Variants in PRMT1 observed in about 807,000 individuals in gnomAD.
PRMT1 encodes protein arginine N-methyltransferase 1.
A neutral mutation model predicts 47.4 loss-of-function variants in PRMT1; 5 were observed. The observed-to-expected ratio is 0.11, with a 90% CI of 0.06 to 0.22. The LOEUF (loss-of-function observed/expected upper bound fraction) is 0.22, where lower values mean the gene tolerates loss of function less well. PRMT1 is among the 10% of genes least tolerant of loss of function. The pLI, the probability that PRMT1 is intolerant of heterozygous loss-of-function variation, is 1.00. For missense variants in PRMT1, 249 were observed against 518.4 expected, an observed-to-expected ratio of 0.48 and a Z score of 5.05; for synonymous variants, 227 against 204.6, an observed-to-expected ratio of 1.11 and a Z score of -0.94.
rs762698130 is a variant in PRMT1 at position 49,686,111 on chromosome 19, G to A, written c.778G>A (p.Val260Ile). ...CCTGCAGGAGGTGGACATCTATACC[G>A]TCAAGGTGGAAGACCTGACCTTCAC... The part of the protein sequence containing the change: ...CLIKEVDIYT[V>I]KVEDLTFTSP... The change falls in exon 9 of 11, where the codon GTC becomes ATC. Residue 260 changes from valine to isoleucine, a missense_variant. Physicochemically the swap from Val to Ile is conservative, Grantham distance 29. This residue lies in a region of PRMT1 where 190 missense variants were observed against 456.7 expected (regional missense o/e 0.42). Transcript: ENST00000454376. The A allele has an allele frequency of 2.4e-5, 39 of 1,613,738 alleles. No individual in the cohort carries two copies. Among genetic ancestry groups the A allele is most frequent in the South Asian group, 1.4e-4 (13 of 91,076 alleles).
chr19:49,685,904 C>T lies in PRMT1; in HGVS notation c.760-189C>T. 2.1e-6 allele frequency: 3 copies of T among 1,417,880 alleles called. No homozygotes were observed. 87.8% of individuals were successfully genotyped at this position (1,417,880 alleles called of 1,614,324 possible). ...GGAGCAAGGAATCTGGGCTCGAACCCACATGGTTTATTGGGAGCCGGATAG... is the reference window on the plus strand; with the variant it reads ...GGAGCAAGGAATCTGGGCTCGAACCTACATGGTTTATTGGGAGCCGGATAG... On this transcript the variant is annotated intron_variant, in intron 8 of 10. Coordinates refer to ENST00000454376, the MANE Select transcript of PRMT1 (RefSeq NM_001536.6). The surrounding 1 kb of genome is among the most constrained non-coding windows in gnomAD (Gnocchi z 4.7).
At position 49,683,928 on chromosome 19, in the gene PRMT1, G is replaced by T; in HGVS notation, c.414G>T (p.Val138=). ...GTGGCCACCCTTGTCCGCCCGCAGTGGTGACCATCATCAAGGGGAAGGTGG... is the reference window on the plus strand; with the variant it reads ...GTGGCCACCCTTGTCCGCCCGCAGTTGTGACCATCATCAAGGGGAAGGTGG... ...KIVKANKLDH[V]VTIIKGKVEE... The change falls in exon 6 of 11, where the codon GTG becomes GTT. Residue 138 remains valine (V), a splice_region_variant and synonymous_variant. Transcript: ENST00000454376. 6.2e-7 allele frequency: 1 copy of T among 1,613,066 alleles called. No individual in the cohort carries two copies. Among genetic ancestry groups the T allele is most frequent in the South Asian group, 1.1e-5 (1 of 91,020 alleles).
At chr19:49,676,768 C>T (rs914485631), upstream of PRMT1, among the ~76,000 whole-genome samples, 1 of 152,214 alleles carries the variant, frequency 6.6e-6, no homozygotes, top group African/African-American at 2.4e-5. Flanking sequence ...TTCTTCCCTA[C>T]CCGTGGGCCA....
chr19:49,680,704 C>G lies in PRMT1; in HGVS notation c.192+116C>G. ...CTTCCCCTGGCCGCAGGCCGCCCCC[C>G]TGCCCCTCTGCTGCGCACTTCCTAG... On this transcript the variant is annotated intron_variant, in intron 3 of 10. Coordinates refer to ENST00000454376, the MANE Select transcript of PRMT1 (RefSeq NM_001536.6). This position sits in a 1 kb window ranked among gnomAD's most constrained non-coding sequence, Gnocchi z 4.2. The G allele has an allele frequency of 1.2e-6, 1 of 830,592 alleles. No homozygotes were observed. Among genetic ancestry groups the G allele is most frequent in the East Asian group, 2.7e-5 (1 of 37,624 alleles). The allele number at this position is 830,592 out of a possible 1,614,324, so 51.5% of individuals were successfully genotyped here. A position where few individuals can be genotyped will look rare whatever the true frequency, so the allele number is the denominator to read the frequency against.
rs1431721378 is a variant in PRMT1 at position 49,684,595 on chromosome 19, C to G, written c.556-159C>G. Among the ~76,000 whole-genome samples the G allele has an allele frequency of 6.6e-6, 1 of 152,168 alleles. No homozygotes were observed. The highest frequency in any genetic ancestry group is 2.4e-5 in the African/African-American group (1 of 41,436). The stretch of plus-strand genomic sequence containing the variant: ...GCTGACTGGGGTGCCCCTGGGTGCC[C>G]TCTGGCGGCCGTGTGGGAAATAGAC... On this transcript the variant is annotated intron_variant, in intron 6 of 10. Transcript: ENST00000454376. This position sits in a 1 kb window ranked among gnomAD's most constrained non-coding sequence, Gnocchi z 6.2.
At position 49,681,161 on chromosome 19, in the gene PRMT1, C is replaced by T. The variant is rs947944378; in HGVS notation, c.192+573C>T. ...ACCTCCCCGGCTCAGGTGATCCCCC[C>T]ACTTCCACTTTCGGAGTAGCTGGGA... On this transcript the variant is annotated intron_variant, in intron 3 of 10. Coordinates refer to ENST00000454376, the MANE Select transcript of PRMT1 (RefSeq NM_001536.6). The surrounding 1 kb of genome is among the most constrained non-coding windows in gnomAD (Gnocchi z 4.4). Among the ~76,000 whole-genome samples the T allele has an allele frequency of 5.9e-5, 9 of 152,216 alleles. No individual in the cohort carries two copies. The highest frequency in any genetic ancestry group is 1.0e-4 in the Non-Finnish European group (7 of 68,048).
rs769012584 is a variant in PRMT1 at position 49,682,220 on chromosome 19, T to G, written c.373T>G (p.Tyr125Asp). The G allele has an allele frequency of 6.2e-7, 1 of 1,613,996 alleles. No homozygotes were observed. The highest frequency in any genetic ancestry group is 1.1e-5 in the South Asian group (1 of 91,072). ...IGIECSSISD[Y>D]AVKIVKANKL... Reference sequence around the variant, plus strand: ...GATCGAGTGTTCCAGTATCTCTGATTATGCGGTGAAGATCGTCAAAGCCAA... The same window carrying G: ...GATCGAGTGTTCCAGTATCTCTGATGATGCGGTGAAGATCGTCAAAGCCAA... Residue 125 changes from tyrosine to aspartate, a missense_variant, in exon 5 of 11, where the codon TAT (tyrosine) becomes GAT (aspartate). Tyr to Asp is a radical substitution (Grantham distance 160). Transcript: ENST00000454376.
In PRMT1 at chr19:49,687,404, G is replaced by A. The variant is rs543690390; in HGVS notation, c.1032+678G>A. Reference sequence around the variant, plus strand: ...AAAGTGGGTCCCGGCCGATGGGTGCGAGGGTGGGTGGCACTCAGGGTAGTC... The same window carrying A: ...AAAGTGGGTCCCGGCCGATGGGTGCAAGGGTGGGTGGCACTCAGGGTAGTC... On this transcript the variant is annotated intron_variant, in intron 10 of 10. Coordinates refer to ENST00000454376, the MANE Select transcript of PRMT1 (RefSeq NM_001536.6). 1.2e-4 allele frequency among the ~76,000 whole-genome samples: 18 copies of A among 152,190 alleles called. No individual in the cohort carries two copies. The South Asian group carries it at 3.3e-3, about 28-fold the overall frequency.
intron 10 of PRMT1, among the ~76,000 whole-genome samples, chr19:49,687,537 C>T (rs2082226695): frequency 6.7e-6 from 1 of 150,046 alleles, no homozygotes; most frequent in Non-Finnish European, 1.5e-5. Context: ...ACGTTTGCCA[C>T]CGTCTGTGGA....
At position 49,688,310 on chromosome 19, in the gene PRMT1, C is replaced by T; in HGVS notation, c.*65C>T. 2.7e-6 allele frequency: 4 copies of T among 1,488,574 alleles called. No individual in the cohort carries two copies. The highest frequency in any genetic ancestry group is 3.7e-6 in the Non-Finnish European group (4 of 1,071,678). The allele number at this position is 1,488,574 out of a possible 1,614,324, so 92.2% of individuals were successfully genotyped here. ...CGTTCCTAGGCGGTTTCGGGGCTCCCCCTTCCTCTCCCTCCCTCCCGCAGA... is the reference window on the plus strand; with the variant it reads ...CGTTCCTAGGCGGTTTCGGGGCTCCTCCTTCCTCTCCCTCCCTCCCGCAGA... On this transcript the variant is annotated 3_prime_UTR_variant, in exon 11 of 11. Coordinates refer to ENST00000454376, the MANE Select transcript of PRMT1 (RefSeq NM_001536.6). This position sits in a 1 kb window ranked among gnomAD's most constrained non-coding sequence, Gnocchi z 5.3.
intron 10 of PRMT1, among the ~76,000 whole-genome samples, chr19:49,687,502 C>T (rs186059987): frequency 7.9e-5 from 12 of 150,960 alleles, no homozygotes; most frequent in Non-Finnish European, 1.5e-4. Flanking sequence ...TTTACTGCCC[C>T]CTCCGCTCCC....
In PRMT1 at chr19:49,684,048, C is replaced by G. The variant is rs1274594764; in HGVS notation, c.534C>G (p.Leu178=). 1.2e-6 allele frequency: 2 copies of G among 1,614,196 alleles called. No homozygotes were observed. The highest frequency in any genetic ancestry group is 2.2e-5 in the South Asian group (2 of 91,088). Reference sequence around the variant, plus strand: ...ACGAGTCCATGCTCAACACCGTGCTCTATGCCCGGGACAAGTGGCTGGTGA... The same window carrying G: ...ACGAGTCCATGCTCAACACCGTGCTGTATGCCCGGGACAAGTGGCTGGTGA... ...LFYESMLNTV[L]YARDKWLAPD... The change falls in exon 6 of 11, where the codon CTC becomes CTG. Residue 178 remains leucine, a synonymous_variant. Coordinates refer to ENST00000454376, the MANE Select transcript of PRMT1 (RefSeq NM_001536.6). The surrounding 1 kb of genome is among the most constrained non-coding windows in gnomAD (Gnocchi z 6.2).
chr19:49,685,654 G>A lies in PRMT1; in HGVS notation c.760-439G>A. ...GTCGGGGAGGAGTAAGTTGTTGAGT[G>A]GGGGAGGAGAGGAGACTACAGGGGC... On this transcript the variant is annotated intron_variant, in intron 8 of 10. Coordinates refer to ENST00000454376, the MANE Select transcript of PRMT1 (RefSeq NM_001536.6). This position sits in a 1 kb window ranked among gnomAD's most constrained non-coding sequence, Gnocchi z 4.7. 1 of 1,024,858 alleles carries A rather than the reference G, an allele frequency of 9.8e-7. No homozygotes were observed. The highest frequency in any genetic ancestry group is 1.2e-6 in the Non-Finnish European group (1 of 854,168). The allele number at this position is 1,024,858 out of a possible 1,614,324, so 63.5% of individuals were successfully genotyped here.
At chr19:49,687,829 A>G (rs1286574819) in intron 10 of PRMT1, 2 of 394,072 alleles carry the variant, frequency 5.1e-6, no homozygotes, top group Non-Finnish European at 4.8e-6. Context: ...CGTTTGCCTG[A>G]GGAGGAAGTG....
intron 10 of PRMT1, chr19:49,687,928 G>T (rs971754231): frequency 6.8e-6 from 4 of 591,810 alleles, no homozygotes; most frequent in African/African-American, 3.7e-5. Context: ...AAGGGCAAGG[G>T]ACAGCAGCTG....
chr19:49,683,183 T>G (rs2082146242), intron 5 of PRMT1, among the ~76,000 whole-genome samples: 1 of 151,546 alleles, frequency 6.6e-6, no homozygotes, highest in South Asian at 2.1e-4. Flanking sequence ...CCTCCCAAAG[T>G]GCTGAGATTA....
chr19:49,688,075 GGCTCATCGTCGCATAGCCTGCCT>G lies in PRMT1; in HGVS notation c.1033-84_1033-62del. On this transcript the variant is annotated intron_variant, in intron 10 of 10. Coordinates refer to ENST00000454376, the MANE Select transcript of PRMT1 (RefSeq NM_001536.6). The surrounding 1 kb of genome is among the most constrained non-coding windows in gnomAD (Gnocchi z 5.3). ...GGAGATGGGCAGGAAGCTGGAGCCC[GGCTCATCGTCGCATAGCCTGCCT>G]GCACCCGCCCCCCGCCACCACCTCC... 1 of 1,174,404 alleles carries G rather than the reference GGCTCATCGTCGCATAGCCTGCCT, an allele frequency of 8.5e-7. No homozygotes were observed. Among genetic ancestry groups the G allele is most frequent in the Non-Finnish European group, 1.3e-6 (1 of 779,968 alleles). 72.7% of individuals were successfully genotyped at this position (1,174,404 alleles called of 1,614,324 possible). A position where few individuals can be genotyped will look rare whatever the true frequency, so the allele number is the denominator to read the frequency against.
At position 49,686,078 on chromosome 19, in the gene PRMT1, T is replaced by C. The variant is rs768105566; in HGVS notation, c.760-15T>C. The stretch of plus-strand genomic sequence containing the variant: ...TGGGGACGCATCCCGGAGCTCGCCC[T>C]CTCATGTCCTGCAGGAGGTGGACAT... On this transcript the variant is annotated splice_polypyrimidine_tract_variant and intron_variant, in intron 8 of 10. Transcript: ENST00000454376. The C allele has an allele frequency of 2.5e-6, 4 of 1,610,052 alleles. No homozygotes were observed. The South Asian group carries it at 4.4e-5, about 18-fold the overall frequency.
chr19:49,682,371 C>T (rs1468517737), intron 5 of PRMT1, 112 bp downstream of exon 5: 7 of 1,178,638 alleles, frequency 5.9e-6, no homozygotes, highest in African/African-American at 1.5e-5. Flanking sequence ...TCAGCAGCTC[C>T]CAACCCATGG....
Sources: allele counts gnomAD v4.1 joint callset (sites outside exome capture counted in the v4.1 genomes callset), GRCh38; gene constraint gnomAD v4.1.1; regional missense constraint gnomAD v4.1.1; non-coding constraint Gnocchi (gnomAD v3.1); transcripts MANE v1.5; gene names NCBI Gene and HGNC (gene_info 2026-07-23, HGNC 2026-07-21).